SPTBN5: variants seen among roughly 807,000 people sequenced by gnomAD.
The protein encoded by SPTBN5 is spectrin beta, non-erythrocytic 5, also known as spectrin beta chain, non-erythrocytic 5.
Under a neutral mutation model 477.6 loss-of-function variants are expected in SPTBN5, and 513 were observed. That is an observed-to-expected ratio of 1.07 (90% CI 1.00 to 1.16). The LOEUF (loss-of-function observed/expected upper bound fraction) is 1.16. Among genes scored for constraint, SPTBN5 ranks in the 50% most tolerant of loss-of-function variants. SPTBN5 has a pLI of 0.00. For synonymous variants in SPTBN5, 2,169 were observed against 2,011.7 expected, an observed-to-expected ratio of 1.08 and a Z score of -2.09; for missense variants, 5,062 against 4,731.8, an observed-to-expected ratio of 1.07 and a Z score of -2.05.
Position 41,870,342 on chromosome 15 carries a change from C to G in SPTBN5, c.5574G>C (p.Thr1858=). ...EVLTQVQEKA[T]SLPNNVARDL... is the part of the protein sequence containing the mutation. ...CCCGTGCCACATTGTTGGGGAGGCTCGTGGCTTTCTCCTGAGGAAGGGAGA... is the reference window on the plus strand; with the variant it reads ...CCCGTGCCACATTGTTGGGGAGGCTGGTGGCTTTCTCCTGAGGAAGGGAGA... Residue 1858 remains threonine, a synonymous_variant, in exon 31 of 68, where the codon ACG becomes ACC. Transcript: ENST00000320955. 6.4e-7 allele frequency: 1 copy of G among 1,572,938 alleles called. No homozygotes were observed. Among genetic ancestry groups the G allele is most frequent in the Non-Finnish European group, 8.6e-7 (1 of 1,159,488 alleles).
rs546250324 is a variant in SPTBN5 at position 41,856,838 on chromosome 15, C to G, written c.8808+15G>C. ...GCTCATGTGCGAGGCCAGCCCTCCCCGGGTGGGCCCACACCTGGTGCTGCT... is the reference window on the plus strand; with the variant it reads ...GCTCATGTGCGAGGCCAGCCCTCCCGGGGTGGGCCCACACCTGGTGCTGCT... On this transcript the variant is annotated intron_variant, in intron 52 of 67. Transcript: ENST00000320955. The G allele has an allele frequency of 6.5e-7, 1 of 1,535,846 alleles. No homozygotes were observed. Among genetic ancestry groups the G allele is most frequent in the Admixed American group, 2.0e-5 (1 of 50,458 alleles).
Position 41,856,998 on chromosome 15 carries a change from G to T in SPTBN5, c.8663C>A (p.Ala2888Asp), listed in dbSNP as rs1273506724. 1.2e-6 allele frequency: 2 copies of T among 1,604,474 alleles called. No homozygotes were observed. The highest frequency in any genetic ancestry group is 1.7e-6 in the Non-Finnish European group (2 of 1,176,328). The stretch of plus-strand genomic sequence containing the variant: ...CAAGAGGAGGCTCCGGGCCTCCAGG[G>T]CCGTCCTGCGCTCCTGCAGGGGCTC... ...LREPLQERRT[A>D]LEARSLLLKF... The change falls in exon 52 of 68, where the codon GCC (alanine) becomes GAC (aspartate). Residue 2888 changes from alanine to aspartate, a missense_variant. Ala to Asp is a moderately radical substitution (Grantham distance 126). Coordinates refer to ENST00000320955, the MANE Select transcript of SPTBN5 (RefSeq NM_016642.4).
At chr15:41,868,719 G>T (rs1228254825) in intron 32 of SPTBN5, 118 bp from the exon 33 acceptor site, 32 of 971,074 alleles carry the variant, frequency 3.3e-5, no homozygotes, top group Non-Finnish European at 2.0e-5. Flanking sequence ...GCCGACCTGG[G>T]TCAGGGCCTC....
rs760677367 is a variant in SPTBN5 at position 41,851,117 on chromosome 15, C to T, written c.10777G>A (p.Gly3593Arg). The change falls in exon 65 of 68, where the codon GGA becomes AGA. Residue 3593 changes from glycine (G) to arginine (R), a missense_variant. Coordinates refer to ENST00000320955, the MANE Select transcript of SPTBN5 (RefSeq NM_016642.4). Reference sequence around the variant, plus strand: ...CCCCGCAGCCTCTCACACCGGGCTCCCGTGAGGTCAAGGAGGGCTATGGAA... The same window carrying T: ...CCCCGCAGCCTCTCACACCGGGCTCTCGTGAGGTCAAGGAGGGCTATGGAA... The part of the protein sequence containing the change: ...VASIALLDLT[G>R]ARCERLRGRH... 3 of 1,613,304 alleles carry T rather than the reference C, an allele frequency of 1.9e-6. No individual in the cohort carries two copies. Among genetic ancestry groups the T allele is most frequent in the Admixed American group, 1.7e-5 (1 of 59,990 alleles).
chr15:41,878,267 T>C, intron 17 of SPTBN5, 75 bp downstream of exon 17: 2 of 1,530,716 alleles, frequency 1.3e-6, no homozygotes, highest in Non-Finnish European at 1.8e-6. Context: ...CCGCATGCTC[T>C]TTCTGGGCCT....
Position 41,863,236 on chromosome 15 carries a change from G to T in SPTBN5, c.7150-333C>A, listed in dbSNP as rs116001012. 9.8e-3 allele frequency among the ~76,000 whole-genome samples: 1,492 copies of T among 152,352 alleles called. 25 individuals carry two copies. The highest frequency in any genetic ancestry group is 0.034 in the African/African-American group (1,418 of 41,568). The stretch of plus-strand genomic sequence containing the variant: ...CCGTCATTTGAGGGCAGAAGCCAGC[G>T]GAGGAAACAGCCAGGCATGCCCAGC... On this transcript the variant is annotated intron_variant, in intron 41 of 67. Coordinates refer to ENST00000320955, the MANE Select transcript of SPTBN5 (RefSeq NM_016642.4).
intron 27 of SPTBN5, 127 bp downstream of exon 27, chr15:41,872,175 C>T (rs1375802038): frequency 3.9e-6 from 5 of 1,273,124 alleles, no homozygotes; most frequent in Non-Finnish European, 5.3e-6. Flanking sequence ...AACACACACC[C>T]TTTTCCCAAT....
At chr15:41,892,409 ACT>A (rs909138128) in intron 3 of SPTBN5, among the ~76,000 whole-genome samples, 4 of 150,654 alleles carry the variant, frequency 2.7e-5, no homozygotes, top group Non-Finnish European at 4.4e-5. Context: ...CTTTCAGGTG[ACT>A]CTGCCTCCCC....
rs556691007 is a variant in SPTBN5 at position 41,856,912 on chromosome 15, C to A, written c.8749G>T (p.Ala2917Ser). Reference sequence around the variant, plus strand: ...AGGCTCTGGCCATAGTCCTGGGCAGCGGCCAGAGGCAGCTTCTCCTGCACC... The same window carrying A: ...AGGCTCTGGCCATAGTCCTGGGCAGAGGCCAGAGGCAGCTTCTCCTGCACC... ...AWVQEKLPLA[A>S]AQDYGQSLSA... is the part of the protein sequence containing the mutation. Residue 2917 changes from alanine (A) to serine (S), a missense_variant, in exon 52 of 68, where the codon GCT becomes TCT. By Grantham distance (99) the Ala-to-Ser change is moderately conservative (BLOSUM62 1). Coordinates refer to ENST00000320955, the MANE Select transcript of SPTBN5 (RefSeq NM_016642.4). The A allele has an allele frequency of 4.5e-6, 7 of 1,555,200 alleles. No homozygotes were observed. The highest frequency in any genetic ancestry group is 6.1e-6 in the Non-Finnish European group (7 of 1,149,708).
In SPTBN5 at chr15:41,876,304, AG is replaced by A; in HGVS notation, c.3952-21del. 1 of 1,529,548 alleles carries A rather than the reference AG, an allele frequency of 6.5e-7. No homozygotes were observed. The highest frequency in any genetic ancestry group is 1.2e-5 in the South Asian group (1 of 82,944). 94.7% of individuals were successfully genotyped at this position (1,529,548 alleles called of 1,614,324 possible). ...CCACTCCTGCCAAGAACCAGGCGAG[AG>A]TGGGTCTCAGAGCACGGTGGGTGGG... On this transcript the variant is annotated intron_variant, in intron 20 of 67. Coordinates refer to ENST00000320955, the MANE Select transcript of SPTBN5 (RefSeq NM_016642.4).
chr15:41,887,984 A>C lies in SPTBN5; in HGVS notation c.603T>G (p.Asp201Glu), dbSNP rs1315847990. Residue 201 changes from aspartate to glutamate, a missense_variant, in exon 5 of 68, where the codon GAT becomes GAG. Coordinates refer to ENST00000320955, the MANE Select transcript of SPTBN5 (RefSeq NM_016642.4). ...TASYTNVNIT[D>E]FSRSWSDGLG... ...GCCCATCGCTCCAGCTTCGGGAGAA[A>C]TCTGTAATGTTCACGTTGGTGTAGC... is the stretch of plus-strand genomic sequence containing the variant. 1.2e-6 allele frequency: 2 copies of C among 1,606,392 alleles called. No homozygotes were observed. The highest frequency in any genetic ancestry group is 2.7e-5 in the African/African-American group (2 of 74,848).
chr15:41,871,632 C>T (rs1029238132), intron 28 of SPTBN5, 112 bp from the exon 29 acceptor site: 86 of 1,412,614 alleles, frequency 6.1e-5, no homozygotes, highest in Non-Finnish European at 7.5e-5. Context: ...TGGATAGCCA[C>T]GGCGTCTGCC....
rs551820241 is a variant in SPTBN5 at position 41,875,421 on chromosome 15, G to A, written c.4287+37C>T. ...TTCTGTCCAGCCCAGCCAGGCCTCCGTCTCCCTCTTGTGCCCTGTCCCTCT... is the reference window on the plus strand; with the variant it reads ...TTCTGTCCAGCCCAGCCAGGCCTCCATCTCCCTCTTGTGCCCTGTCCCTCT... On this transcript the variant is annotated intron_variant, in intron 22 of 67. Transcript: ENST00000320955. 82 of 1,596,890 alleles carry A rather than the reference G, an allele frequency of 5.1e-5. No homozygotes were observed. The South Asian group carries it at 5.6e-4, about 11-fold the overall frequency.
At chr15:41,857,157 G>C (rs1257782807) in intron 51 of SPTBN5, 81 bp downstream of exon 51, 97 of 1,518,764 alleles carry the variant, frequency 6.4e-5, no homozygotes, top group Non-Finnish European at 8.4e-5. Context: ...GAGAAAGTGA[G>C]AAGACATCAG....
chr15:41,860,882 A>C, intron 46 of SPTBN5, 124 bp from the exon 47 acceptor site: 3 of 882,542 alleles, frequency 3.4e-6, no homozygotes, highest in Non-Finnish European at 4.8e-6. Context: ...CCGCCCAAAC[A>C]CATCCCTCAC....
chr15:41,893,472 C>G lies in SPTBN5; in HGVS notation c.26G>C (p.Arg9Pro), dbSNP rs755861492. The change falls in exon 2 of 68, where the codon CGG becomes CCG. Residue 9 changes from arginine (R) to proline (P), a missense_variant. Coordinates refer to ENST00000320955, the MANE Select transcript of SPTBN5 (RefSeq NM_016642.4). ...GTGCCCTGCAGCCCCGAGGAGCTCC[C>G]GGGGACTGTGGGGCTGACCAGCCAT... is the stretch of plus-strand genomic sequence containing the variant. MAGQPHSPRELLGAAGHRS... is the reference protein window; with the variant it reads MAGQPHSPPELLGAAGHRS... 6.3e-7 allele frequency: 1 copy of G among 1,597,130 alleles called. No individual in the cohort carries two copies. Among genetic ancestry groups the G allele is most frequent in the Non-Finnish European group, 8.5e-7 (1 of 1,174,532 alleles).
chr15:41,863,693 C>G lies in SPTBN5; in HGVS notation c.7149+11G>C. ...TCACAGCCCCCACCGGGACCTCTTT[C>G]CACCACGTACCTTCTCCTGAATCCT... On this transcript the variant is annotated intron_variant, in intron 41 of 67. Coordinates refer to ENST00000320955, the MANE Select transcript of SPTBN5 (RefSeq NM_016642.4). The G allele has an allele frequency of 6.2e-7, 1 of 1,609,294 alleles. No homozygotes were observed. The highest frequency in any genetic ancestry group is 2.2e-5 in the East Asian group (1 of 44,838).
rs1436140560 is a variant in SPTBN5 at position 41,850,868 on chromosome 15, A to G, written c.10907T>C (p.Leu3636Pro). The G allele has an allele frequency of 1.3e-5, 20 of 1,599,486 alleles. No individual in the cohort carries two copies. The highest frequency in any genetic ancestry group is 2.3e-5 in the East Asian group (1 of 44,108). ...EEQAESWWRA[L>P]GSTAAQSLSP... Reference sequence around the variant, plus strand: ...CTGAAGCCCACCTGCAGTGCTGCCCAGGGCTCGCCACCAGCTCTCAGCCTG... The same window carrying G: ...CTGAAGCCCACCTGCAGTGCTGCCCGGGGCTCGCCACCAGCTCTCAGCCTG... Residue 3636 changes from leucine to proline, a missense_variant, in exon 66 of 68, where the codon CTG becomes CCG. Coordinates refer to ENST00000320955, the MANE Select transcript of SPTBN5 (RefSeq NM_016642.4).
chr15:41,868,250 G>C, intron 33 of SPTBN5, 32 bp from the exon 34 acceptor site: 1 of 1,577,152 alleles, frequency 6.3e-7, no homozygotes, highest in Non-Finnish European at 8.6e-7. Flanking sequence ...GCCTCAGCTG[G>C]GGAGGGTGGT....
Sources: allele counts gnomAD v4.1 joint callset (sites outside exome capture counted in the v4.1 genomes callset), GRCh38; gene constraint gnomAD v4.1.1; transcripts MANE v1.5; gene names NCBI Gene and HGNC (gene_info 2026-07-23, HGNC 2026-07-21).